TENM4: variants seen among roughly 807,000 people sequenced by gnomAD.
The protein encoded by TENM4 is teneurin-4.
A neutral mutation model predicts 243.3 loss-of-function variants in TENM4; 82 were observed. The observed-to-expected ratio is 0.34, with a 90% CI of 0.28 to 0.40. TENM4 has a LOEUF of 0.40. TENM4 is among the 10% of genes least tolerant of loss of function. TENM4 has a pLI of 1.00. For synonymous variants in TENM4, 1,412 were observed against 1,456.3 expected (o/e 0.97, Z 0.69); for missense variants, 3,138 against 3,673.3 (o/e 0.85, Z 3.77).
intron 19 of TENM4, among the ~76,000 whole-genome samples, chr11:78,746,150 A>G (rs1203674157): frequency 2.0e-5 from 3 of 152,168 alleles, no homozygotes; most frequent in African/African-American, 7.2e-5. Context: ...TTTAAGTTAC[A>G]GGGGTCTTCT....
chr11:79,085,521 G>A (rs1374057833), intron 4 of TENM4, among the ~76,000 whole-genome samples: 2 of 152,020 alleles, frequency 1.3e-5, no homozygotes, highest in Non-Finnish European at 2.9e-5. Flanking sequence ...TCTGTAAAAT[G>A]GGGATAGTAT....
chr11:78,921,014 C>T (rs993124883), intron 6 of TENM4, among the ~76,000 whole-genome samples: 6 of 152,178 alleles, frequency 3.9e-5, no homozygotes, highest in South Asian at 2.1e-4. Context: ...CTTCATTTCA[C>T]GAATGAGGAA....
rs879585796 is a variant in TENM4 at position 78,839,547 on chromosome 11, G to GT, written c.1681+14556dup. ...TAAGTAAAATAGTTTTTCAGTTAATGTTTTTTTTTTCTCTAGGAATACAAA... is the reference window on the plus strand; with the variant it reads ...TAAGTAAAATAGTTTTTCAGTTAATGTTTTTTTTTTTCTCTAGGAATACAAA... On this transcript the variant is annotated intron_variant, in intron 12 of 33. Transcript: ENST00000278550. 9.5e-3 allele frequency among the ~76,000 whole-genome samples: 1,410 copies of GT among 148,430 alleles called. 10 individuals carry two copies. Among genetic ancestry groups the GT allele is most frequent in the Middle Eastern group, 0.017 (5 of 288 alleles).
intron 1 of TENM4, among the ~76,000 whole-genome samples, chr11:79,421,535 G>C (rs1159157999): frequency 6.6e-6 from 1 of 152,126 alleles, no homozygotes; most frequent in African/African-American, 2.4e-5. Flanking sequence ...AATTTGCAGA[G>C]GGCTATCTCC....
intron 18 of TENM4, among the ~76,000 whole-genome samples, chr11:78,758,517 C>T (rs1856361878): frequency 6.6e-6 from 1 of 152,190 alleles, no homozygotes; most frequent in African/African-American, 2.4e-5. Context: ...AGCCACATTT[C>T]ATAAATAATG....
chr11:78,678,069 CA>C (rs1181601252), intron 29 of TENM4, among the ~76,000 whole-genome samples: 3 of 37,692 alleles, frequency 8.0e-5, no homozygotes, highest in Admixed American at 3.0e-4. Flanking sequence ...TGATGGTTTC[CA>C]ATTTCATCCA....
intron 18 of TENM4, among the ~76,000 whole-genome samples, chr11:78,769,400 T>C (rs975378644): frequency 6.6e-6 from 1 of 152,060 alleles, no homozygotes; most frequent in Admixed American, 6.6e-5. Context: ...CACCTTCTGA[T>C]GAATGCTTTC....
chr11:79,391,038 A>G (rs1858222682), intron 1 of TENM4, among the ~76,000 whole-genome samples: 2 of 152,184 alleles, frequency 1.3e-5, no homozygotes, highest in Non-Finnish European at 1.5e-5. Flanking sequence ...AGCGTCATTA[A>G]AAGTGTGAAC....
At chr11:78,970,079 A>C (rs924038541) in intron 6 of TENM4, among the ~76,000 whole-genome samples, 6 of 152,350 alleles carry the variant, frequency 3.9e-5, no homozygotes, top group Middle Eastern at 3.4e-3. Context: ...TTCTGAGCAG[A>C]GGATGGGGCA....
intron 2 of TENM4, among the ~76,000 whole-genome samples, chr11:79,231,956 T>A (rs1864381354): frequency 6.6e-6 from 1 of 152,142 alleles, no homozygotes; most frequent in Non-Finnish European, 1.5e-5. Context: ...AGCACATGCT[T>A]TTAATTCCAG....
Position 78,854,263 on chromosome 11 carries a change from G to A in TENM4, c.1522C>T (p.Arg508Trp), listed in dbSNP as rs932746364. ...TGGCGCGGGGTCCCCTCTAGGCTCC[G>A]CGCCTCCTGGGTTAGGAGCCTCCTG... is the stretch of plus-strand genomic sequence containing the variant. Reference protein sequence around the residue: ...DGRRLLTQEARSLEGTPRQSR... With the variant: ...DGRRLLTQEAWSLEGTPRQSR... Residue 508 changes from arginine (R) to tryptophan (W), a missense_variant, in exon 12 of 34, where the codon CGG becomes TGG. Around this residue, in one of 2 missense-constraint regions of TENM4, gnomAD observed 2,467 missense variants for 3,059.1 expected, o/e 0.81. Coordinates refer to ENST00000278550, the MANE Select transcript of TENM4 (RefSeq NM_001098816.3). 3.6e-5 allele frequency: 56 copies of A among 1,541,970 alleles called. No homozygotes were observed. The Middle Eastern group carries it at 5.1e-4, about 14-fold the overall frequency.
intron 1 of TENM4, among the ~76,000 whole-genome samples, chr11:79,377,604 C>T (rs915954600): frequency 6.6e-5 from 10 of 152,176 alleles, no homozygotes; most frequent in African/African-American, 2.2e-4. Context: ...ACACAGCAGT[C>T]GCTCCATGTA....
intron 6 of TENM4, among the ~76,000 whole-genome samples, chr11:79,043,830 C>A (rs1255947393): frequency 6.6e-6 from 1 of 152,194 alleles, no homozygotes; most frequent in African/African-American, 2.4e-5. Context: ...CTATTCTTAT[C>A]TCCATTTGGC....
chr11:79,118,755 A>G (rs186105395), intron 4 of TENM4, among the ~76,000 whole-genome samples: 130 of 152,346 alleles, frequency 8.5e-4, no homozygotes, highest in Middle Eastern at 6.8e-3. Flanking sequence ...AAGGCTGAAT[A>G]ATACTTCGTT....
intron 3 of TENM4, among the ~76,000 whole-genome samples, chr11:79,162,441 A>G (rs1862768180): frequency 6.7e-6 from 1 of 150,352 alleles, no homozygotes; most frequent in Non-Finnish European, 1.5e-5. Context: ...ACTAGTGGTC[A>G]TGATGCTATA....
At chr11:79,329,287 A>G (rs1857023117) in intron 1 of TENM4, among the ~76,000 whole-genome samples, 1 of 152,214 alleles carries the variant, frequency 6.6e-6, no homozygotes, top group Admixed American at 6.5e-5. Flanking sequence ...TGGGTTCTTT[A>G]AGGATTCAAA....
chr11:79,003,940 A>G (rs986383615), intron 6 of TENM4, among the ~76,000 whole-genome samples: 12 of 151,888 alleles, frequency 7.9e-5, no homozygotes, highest in Non-Finnish European at 1.8e-4. Flanking sequence ...ATGGAGAAAA[A>G]TCTAGCAAGC....
intron 6 of TENM4, among the ~76,000 whole-genome samples, chr11:79,048,598 G>A (rs1259928637): frequency 6.6e-6 from 1 of 152,016 alleles, no homozygotes; most frequent in Admixed American, 6.6e-5. Flanking sequence ...ATCGTGTCTT[G>A]GTTCAACCAA....
At chr11:78,735,141 T>C (rs990404185) in intron 20 of TENM4, among the ~76,000 whole-genome samples, 1 of 152,172 alleles carries the variant, frequency 6.6e-6, no homozygotes, top group African/African-American at 2.4e-5. Flanking sequence ...ATCCCCAGAT[T>C]TGGGGCTCCA....
Sources: gnomAD v4.1 joint callset for allele counts (sites outside exome capture counted in the v4.1 genomes callset) on GRCh38, gnomAD v4.1.1 for gene constraint, gnomAD v4.1.1 regional missense constraint, MANE v1.5 for transcripts, NCBI Gene and HGNC (gene_info 2026-07-23, HGNC 2026-07-21) for gene names.